MECR: variants seen among roughly 807,000 people sequenced by gnomAD.
MECR encodes enoyl-[acyl-carrier-protein] reductase, mitochondrial.
In MECR, 37 loss-of-function variants were observed where a neutral mutation model predicts 49.1. The observed-to-expected ratio is 0.75, with a 90% CI of 0.58 to 0.99. The LOEUF is 0.99. Ranked by LOEUF, MECR falls within the 50% of genes least tolerant of loss-of-function variation. MECR has a pLI of 0.00. For missense variants in MECR, 470 were observed against 479.6 expected (o/e 0.98, Z 0.19); for synonymous variants, 198 against 191.1 (o/e 1.04, Z -0.30).
the MECR span, chr1:29,173,466 C>CTTTTTTT: frequency 2.7e-5 from 2 of 73,070 alleles, no homozygotes; most frequent in African/African-American, 1.0e-4. Flanking sequence ...TTTTTTTTTT[C>CTTTTTTT]TTTTTTTTTT....
intron 3 of MECR, among the ~76,000 whole-genome samples, chr1:29,214,790 T>G (rs1678955033): frequency 6.6e-6 from 1 of 152,220 alleles, no homozygotes; most frequent in Non-Finnish European, 1.5e-5. Context: ...GCTGTTTGAC[T>G]TTGGGCCAGG....
At chr1:29,195,883 C>T in intron 9 of MECR, 58 bp downstream of exon 9, 1 of 1,565,060 alleles carries the variant, frequency 6.4e-7, no homozygotes, top group Non-Finnish European at 8.8e-7. Context: ...GTCATTTCTG[C>T]TGCCATTTTT....
At chr1:29,229,836 T>C (rs530734869) in intron 1 of MECR, among the ~76,000 whole-genome samples, 1 of 152,356 alleles carries the variant, frequency 6.6e-6, no homozygotes, top group Admixed American at 6.5e-5. Context: ...CAATAGCCCT[T>C]CTGAATGGCT....
chr1:29,195,308 G>A (rs1574235222), intron 9 of MECR, among the ~76,000 whole-genome samples: 2 of 152,280 alleles, frequency 1.3e-5, no homozygotes, highest in East Asian at 3.9e-4. Flanking sequence ...TTTTCTGCCT[G>A]AAACACTGCC....
At chr1:29,229,146 T>C (rs1682834798) in intron 1 of MECR, 1 of 152,224 alleles carries the variant, frequency 6.6e-6, no homozygotes. Flanking sequence ...CTAGGCTGAT[T>C]GGATGACCTT....
chr1:29,189,268 C>T (rs568647095), downstream of MECR, among the ~76,000 whole-genome samples: 529 of 144,360 alleles, frequency 3.7e-3, 5 homozygotes, highest in Non-Finnish European at 2.3e-3. Flanking sequence ...GACGGGGTTT[C>T]ACCATGTTGG....
chr1:29,178,601 C>A, the MECR span, among the ~76,000 whole-genome samples: 1 of 152,088 alleles, frequency 6.6e-6, no homozygotes, highest in African/African-American at 2.4e-5. Context: ...CGTCATCTGC[C>A]CGCCTCGGCC....
At chr1:29,206,723 C>T (rs761723261) in intron 4 of MECR, 39 bp downstream of exon 4, 27 of 1,607,320 alleles carry the variant, frequency 1.7e-5, no homozygotes, top group Non-Finnish European at 2.1e-5. Flanking sequence ...ACCCTAGTTG[C>T]GAGACCCTGG....
At chr1:29,180,655 A>G in the MECR span, among the ~76,000 whole-genome samples, 1 of 152,260 alleles carries the variant, frequency 6.6e-6, no homozygotes, top group Admixed American at 6.5e-5. Flanking sequence ...AGTGCCCTAA[A>G]ATGTCACCCC....
At position 29,192,867 on chromosome 1, in the gene MECR, G is replaced by C. The variant is rs1484214234; in HGVS notation, c.*1155C>G. ...CCCACATATCTTCTTTACAGCATTA[G>C]TCACTATGGTAATTACTGTGAGATT... On this transcript the variant is annotated 3_prime_UTR_variant, in exon 10 of 10. Coordinates refer to ENST00000263702, the MANE Select transcript of MECR (RefSeq NM_016011.5). 3 of 151,928 alleles carry C rather than the reference G, an allele frequency of 2.0e-5. No individual in the cohort carries two copies. Among genetic ancestry groups the C allele is most frequent in the African/African-American group, 7.3e-5 (3 of 41,338 alleles). The allele number at this position is 151,928 out of a possible 1,614,324, so 9.4% of individuals were successfully genotyped here. A position where few individuals can be genotyped will look rare whatever the true frequency, so the allele number is the denominator to read the frequency against.
chr1:29,216,776 A>G (rs1018948488), intron 1 of MECR, 91 bp from the exon 2 acceptor site: 13 of 1,597,468 alleles, frequency 8.1e-6, no homozygotes, highest in Non-Finnish European at 1.7e-6. Flanking sequence ...GTCAGGCAAC[A>G]TTTCTGAGCT....
intron 7 of MECR, among the ~76,000 whole-genome samples, 178 bp from the exon 8 acceptor site, chr1:29,196,436 C>G (rs534088002): frequency 6.6e-6 from 1 of 152,338 alleles, no homozygotes; most frequent in South Asian, 2.1e-4. Flanking sequence ...CCTATAATCC[C>G]AGCACTTTGG....
intron 1 of MECR, among the ~76,000 whole-genome samples, chr1:29,222,501 G>A (rs972275871): frequency 2.0e-5 from 3 of 152,110 alleles, no homozygotes; most frequent in Non-Finnish European, 4.4e-5. Context: ...GAGAAGTCCC[G>A]GAATAAAGAA....
chr1:29,179,740 C>T, the MECR span, among the ~76,000 whole-genome samples: 1 of 152,194 alleles, frequency 6.6e-6, no homozygotes, highest in African/African-American at 2.4e-5. Flanking sequence ...GCAAATCATT[C>T]CAAGTTTTAC....
chr1:29,174,326 A>G, the MECR span, among the ~76,000 whole-genome samples: 2 of 152,256 alleles, frequency 1.3e-5, no homozygotes, highest in South Asian at 2.1e-4. Context: ...TGACTCCCAA[A>G]GTCTACTTGC....
chr1:29,206,058 T>C (rs917602393), intron 4 of MECR, among the ~76,000 whole-genome samples: 3 of 152,230 alleles, frequency 2.0e-5, no homozygotes, highest in Non-Finnish European at 2.9e-5. Context: ...GACCTCAGTT[T>C]TCCCATTTAT....
the MECR span, chr1:29,172,999 G>A: frequency 7.2e-5 from 11 of 152,028 alleles, no homozygotes; most frequent in South Asian, 6.2e-4. Flanking sequence ...TAAAAAAAGC[G>A]TGACACAAAA....
the MECR span, chr1:29,181,852 G>A: frequency 9.8e-7 from 1 of 1,022,900 alleles, no homozygotes; most frequent in Non-Finnish European, 1.3e-6. Flanking sequence ...GGCAACGGGC[G>A]GGCGGCGGGA....
chr1:29,171,865 C>G, the MECR span: 9 of 152,276 alleles, frequency 5.9e-5, no homozygotes, highest in South Asian at 1.9e-3. Flanking sequence ...AGGAGCAAAA[C>G]AGTATATTAA....
Sources: gnomAD v4.1 joint callset for allele counts (sites outside exome capture counted in the v4.1 genomes callset) on GRCh38, gnomAD v4.1.1 for gene constraint, MANE v1.5 for transcripts, NCBI Gene and HGNC (gene_info 2026-07-23, HGNC 2026-07-21) for gene names.